OVCH1: variants seen among roughly 807,000 people sequenced by gnomAD.
The protein encoded by OVCH1 is ovochymase-1.
A neutral mutation model predicts 138.4 loss-of-function variants in OVCH1; 139 were observed. That is an observed-to-expected ratio of 1.00 (90% confidence interval 0.87 to 1.16). The LOEUF is 1.16. Ranked by LOEUF, OVCH1 falls within the 50% of genes most tolerant of loss-of-function variation. The probability of loss-of-function intolerance (pLI) is 0.00; values close to 1 mark genes in which losing one functional copy is unlikely to be tolerated. For missense variants in OVCH1, 1,367 were observed against 1,357.9 expected, an observed-to-expected ratio of 1.01 and a Z score of -0.11; for synonymous variants, 453 against 467.8, an observed-to-expected ratio of 0.97 and a Z score of 0.41.
Position 29,464,479 on chromosome 12 carries a change from AATGTTTATGC to A in OVCH1, c.2125+18_2125+27del. 5.0e-6 allele frequency: 8 copies of A among 1,607,144 alleles called. No individual in the cohort carries two copies. Among genetic ancestry groups the A allele is most frequent in the Non-Finnish European group, 6.0e-6 (7 of 1,175,740 alleles). ...ATTTTCAAAAATAACAACTGGCATT[AATGTTTATGC>A]AACAAAAATATGCTTACCTGCACTG... On this transcript the variant is annotated intron_variant, in intron 18 of 27. Coordinates refer to ENST00000318184, the Ensembl canonical transcript of OVCH1.
At chr12:29,478,872 G>A (rs1354438289) in exon 9 of OVCH1, 4 of 1,592,192 alleles carry the variant, frequency 2.5e-6, no homozygotes, top group Non-Finnish European at 3.4e-6. Context: ...AAGATACATA[G>A]TCATGATCAC....
At chr12:29,444,402 A>G (rs1941563011) in intron 23 of OVCH1, 122 bp from the exon 24 acceptor site, 1 of 1,085,920 alleles carries the variant, frequency 9.2e-7, no homozygotes. Context: ...ACAAGTAATT[A>G]TTAGGAGGTG....
chr12:29,411,094 G>A (rs1393571544), downstream of OVCH1, among the ~76,000 whole-genome samples: 5 of 112,990 alleles, frequency 4.4e-5, no homozygotes, highest in Admixed American at 1.1e-4. Flanking sequence ...CCAGTTGATC[G>A]CATCAGCTCC....
intron 16 of OVCH1, among the ~76,000 whole-genome samples, chr12:29,467,032 C>T (rs1363999599): frequency 1.3e-5 from 2 of 152,236 alleles, no homozygotes; most frequent in East Asian, 1.9e-4. Flanking sequence ...TTGACTTACT[C>T]ATGTGTTTCA....
At chr12:29,411,839 C>CATGCTGGGAGAACCACTGCT (rs1565559232), downstream of OVCH1, among the ~76,000 whole-genome samples, 15 of 151,080 alleles carry the variant, frequency 9.9e-5, no homozygotes, top group South Asian at 2.1e-4. Flanking sequence ...TTCAAAGCTG[C>CATGCTGGGAGAACCACTGCT]CAGACAGGGA....
At chr12:29,477,667 C>T in intron 9 of OVCH1, 189 bp from the exon 11 acceptor site, 3 of 1,450,168 alleles carry the variant, frequency 2.1e-6, no homozygotes, top group South Asian at 1.2e-5. Flanking sequence ...TTCTCAACCC[C>T]CCAGTCTCAC....
At chr12:29,439,897 C>T (rs533532346) in intron 25 of OVCH1, among the ~76,000 whole-genome samples, 1 of 152,308 alleles carries the variant, frequency 6.6e-6, no homozygotes, top group Non-Finnish European at 1.5e-5. Flanking sequence ...CAGGAACAGT[C>T]CAATGAAAGA....
At chr12:29,485,534 G>A (rs1943068826) in intron 8 of OVCH1, among the ~76,000 whole-genome samples, 1 of 151,868 alleles carries the variant, frequency 6.6e-6, no homozygotes, top group Non-Finnish European at 1.5e-5. Context: ...CAGCACTTTG[G>A]GAGGCCGAGG....
chr12:29,443,688 G>A (rs749682450), intron 24 of OVCH1, among the ~76,000 whole-genome samples, 188 bp from the exon 25 acceptor site: 7 of 151,980 alleles, frequency 4.6e-5, no homozygotes, highest in African/African-American at 9.7e-5. Flanking sequence ...TATCTAATAC[G>A]TAATTTGCCA....
intron 1 of OVCH1, 142 bp downstream of exon 1, chr12:29,497,481 A>G: frequency 1.0e-6 from 1 of 972,210 alleles, no homozygotes; most frequent in Non-Finnish European, 1.5e-6. Context: ...CTGAGCATGC[A>G]CCACCCCCTC....
exon 3 of OVCH1, chr12:29,496,218 C>T: frequency 6.2e-7 from 1 of 1,609,754 alleles, no homozygotes; most frequent in Non-Finnish European, 8.5e-7. Context: ...GCTGTAACAA[C>T]CCGATCTTCT....
At chr12:29,468,406 A>G (rs1942390305) in intron 16 of OVCH1, among the ~76,000 whole-genome samples, 1 of 152,184 alleles carries the variant, frequency 6.6e-6, no homozygotes, top group African/African-American at 2.4e-5. Flanking sequence ...TATTAATTTC[A>G]ATTGATTCAT....
At chr12:29,479,272 C>T (rs1376753479) in intron 8 of OVCH1, among the ~76,000 whole-genome samples, 4 of 152,102 alleles carry the variant, frequency 2.6e-5, no homozygotes, top group African/African-American at 9.7e-5. Context: ...GAGTTATTCA[C>T]CTAATTAAAA....
At chr12:29,486,394 TTAAA>T in intron 7 of OVCH1, 46 bp from the exon 8 acceptor site, 1 of 1,391,506 alleles carries the variant, frequency 7.2e-7, no homozygotes, top group Non-Finnish European at 1.0e-6. Context: ...TAATAATCAT[TTAAA>T]TAAAACATTT....
intron 25 of OVCH1, among the ~76,000 whole-genome samples, chr12:29,442,575 A>G (rs1941514759): frequency 6.6e-6 from 1 of 151,886 alleles, no homozygotes; most frequent in Non-Finnish European, 1.5e-5. Flanking sequence ...ATACATATGT[A>G]ACTAACTGCA....
chr12:29,490,268 A>C (rs1381705175), intron 5 of OVCH1, among the ~76,000 whole-genome samples: 1 of 151,274 alleles, frequency 6.6e-6, no homozygotes, highest in African/African-American at 2.4e-5. Context: ...ATTTTTGTGG[A>C]GACAAGGTCT....
exon 5 of OVCH1, chr12:29,491,124 A>C (rs775849370): frequency 3.7e-6 from 6 of 1,613,672 alleles, no homozygotes; most frequent in East Asian, 4.5e-5. Context: ...CATCCACTGG[A>C]TAAGCAAAGA....
intron 3 of OVCH1, among the ~76,000 whole-genome samples, chr12:29,417,320 A>C (rs1353867892): frequency 6.6e-6 from 1 of 151,956 alleles, no homozygotes; most frequent in African/African-American, 2.4e-5. Context: ...AAACTTAGCC[A>C]GGCATGGTGG....
At chr12:29,468,797 G>T (rs1942403964) in intron 16 of OVCH1, among the ~76,000 whole-genome samples, 1 of 152,062 alleles carries the variant, frequency 6.6e-6, no homozygotes, top group East Asian at 1.9e-4. Context: ...ATATACATGG[G>T]TGAGTATACA....
Sources: allele counts gnomAD v4.1 joint callset (sites outside exome capture counted in the v4.1 genomes callset), GRCh38; gene constraint gnomAD v4.1.1; transcripts MANE v1.5; gene names NCBI Gene and HGNC (gene_info 2026-07-23, HGNC 2026-07-21).